Variants in GABBR2 observed in about 807,000 individuals in gnomAD.
GABBR2 encodes the protein gamma-aminobutyric acid type B receptor subunit 2, also known as G-protein coupled receptor 51.
Under a neutral mutation model 105.6 loss-of-function variants are expected in GABBR2, and 23 were observed. That is an observed-to-expected ratio of 0.22 (90% CI 0.16 to 0.31). GABBR2 has a LOEUF of 0.31. Ranked by LOEUF, GABBR2 falls within the 10% of genes least tolerant of loss-of-function variation. The pLI, the probability that GABBR2 is intolerant of heterozygous loss-of-function variation, is 1.00. For missense variants in GABBR2, 734 were observed against 1,245.5 expected, an observed-to-expected ratio of 0.59 and a Z score of 6.18; for synonymous variants, 478 against 499.7, an observed-to-expected ratio of 0.96 and a Z score of 0.58.
chr9:98,542,150 A>G, intron 2 of GABBR2, 107 bp from the exon 3 acceptor site: 1 of 805,876 alleles, frequency 1.2e-6, no homozygotes, highest in Non-Finnish European at 1.9e-6. Context: ...TAGAGCATAA[A>G]CACACAGGGA....
chr9:98,454,091 G>C lies in GABBR2; in HGVS notation c.1126C>G (p.Leu376Val). The change falls in exon 7 of 19, where the codon CTG (leucine) becomes GTG (valine). Residue 376 changes from leucine (L) to valine (V), a missense_variant. Around this residue, in one of 7 missense-constraint regions of GABBR2, gnomAD observed 370 missense variants for 648.9 expected, o/e 0.57. Transcript: ENST00000259455. This position sits in a 1 kb window ranked among gnomAD's most constrained non-coding sequence, Gnocchi z 4.6. The stretch of plus-strand genomic sequence containing the variant: ...CGCTGGTGCCGGCTGCTGGCATGCA[G>C]TGTCTCCATGGCCCTCTGCAGTGTC... The part of the protein sequence containing the change: ...AKTLQRAMET[L>V]HASSRHQRIQ... 1 of 1,614,122 alleles carries C rather than the reference G, an allele frequency of 6.2e-7. No individual in the cohort carries two copies. The highest frequency in any genetic ancestry group is 8.5e-7 in the Non-Finnish European group (1 of 1,179,982).
chr9:98,462,349 G>A (rs907805906), intron 6 of GABBR2, among the ~76,000 whole-genome samples: 1 of 152,068 alleles, frequency 6.6e-6, no homozygotes, highest in African/African-American at 2.4e-5. Context: ...AATACATCGA[G>A]AGTGAAAAGA....
At chr9:98,605,538 G>A (rs1829403223) in intron 1 of GABBR2, among the ~76,000 whole-genome samples, 1 of 152,202 alleles carries the variant, frequency 6.6e-6, no homozygotes. Context: ...TTCCTCAGGG[G>A]CCCACTTCCT....
At chr9:98,551,862 T>C (rs574870366) in intron 2 of GABBR2, among the ~76,000 whole-genome samples, 2 of 152,326 alleles carry the variant, frequency 1.3e-5, no homozygotes, top group East Asian at 3.9e-4. Flanking sequence ...TCTGTTTTTC[T>C]CATCTCTGAA....
chr9:98,376,705 G>T (rs187275709), intron 11 of GABBR2, among the ~76,000 whole-genome samples: 1 of 152,142 alleles, frequency 6.6e-6, no homozygotes, highest in Non-Finnish European at 1.5e-5. Flanking sequence ...AGAAGACCCC[G>T]TCTTGCTCAG....
At chr9:98,408,068 T>C (rs1434023717) in intron 7 of GABBR2, among the ~76,000 whole-genome samples, 1 of 152,146 alleles carries the variant, frequency 6.6e-6, no homozygotes, top group Non-Finnish European at 1.5e-5. Flanking sequence ...GGACAGGTGC[T>C]CAGCAAATGG....
At chr9:98,598,251 G>C (rs1440753818) in intron 1 of GABBR2, among the ~76,000 whole-genome samples, 1 of 152,184 alleles carries the variant, frequency 6.6e-6, no homozygotes. Context: ...ACATCTTGGA[G>C]GAGCAGGCTT....
At chr9:98,607,159 A>T (rs1402961304) in intron 1 of GABBR2, 1 of 1,610,158 alleles carries the variant, frequency 6.2e-7, no homozygotes, top group Non-Finnish European at 8.5e-7. Context: ...TGCTGCTCAC[A>T]ATAGTTGATA....
chr9:98,669,175 C>A (rs1830375947), intron 1 of GABBR2, among the ~76,000 whole-genome samples: 1 of 152,098 alleles, frequency 6.6e-6, no homozygotes, highest in African/African-American at 2.4e-5. Flanking sequence ...CAGAAAGGTC[C>A]ATTTTCTTCA....
intron 7 of GABBR2, among the ~76,000 whole-genome samples, chr9:98,418,727 G>A (rs952374035): frequency 6.6e-6 from 1 of 152,248 alleles, no homozygotes; most frequent in Non-Finnish European, 1.5e-5. Flanking sequence ...CAGACAGATG[G>A]AGGGTGATGC....
At chr9:98,342,503 A>T (rs2131408569) in intron 13 of GABBR2, among the ~76,000 whole-genome samples, 1 of 152,122 alleles carries the variant, frequency 6.6e-6, no homozygotes, top group East Asian at 1.9e-4. Flanking sequence ...AGAACTTCAG[A>T]TGGGGTATGG....
chr9:98,695,035 A>C (rs1830731052), intron 1 of GABBR2, among the ~76,000 whole-genome samples: 1 of 152,264 alleles, frequency 6.6e-6, no homozygotes, highest in South Asian at 2.1e-4. Flanking sequence ...CCAGTGTTCA[A>C]CTGGAACAAT....
chr9:98,525,592 C>T (rs929992735), intron 3 of GABBR2, among the ~76,000 whole-genome samples: 1 of 152,174 alleles, frequency 6.6e-6, no homozygotes, highest in Non-Finnish European at 1.5e-5. Flanking sequence ...TGATGCAAAC[C>T]AGAAAATGGC....
intron 4 of GABBR2, among the ~76,000 whole-genome samples, chr9:98,485,549 T>A (rs1827027831): frequency 6.6e-6 from 1 of 151,900 alleles, no homozygotes; most frequent in African/African-American, 2.4e-5. Flanking sequence ...CGCACGCACA[T>A]GACACTTAGC....
At chr9:98,528,405 T>C (rs1444850525) in intron 3 of GABBR2, among the ~76,000 whole-genome samples, 1 of 152,022 alleles carries the variant, frequency 6.6e-6, no homozygotes, top group Non-Finnish European at 1.5e-5. Flanking sequence ...TACAAAAATT[T>C]TGGAGATGGG....
rs555614517 is a variant in GABBR2, at chr9:98,359,106, C to A, written c.1893+3609G>T. Among the ~76,000 whole-genome samples, 16 of 152,300 alleles carry A rather than the reference C, an allele frequency of 1.1e-4. No homozygotes were observed. In the East Asian group the frequency reaches 2.9e-3, roughly 28 times the overall value. ...GTAAAGCATTTAGAACAGTACCTGG[C>A]ACATGACGAGTGCTACAGAAGTACT... On this transcript the variant is annotated intron_variant, in intron 13 of 18. Transcript: ENST00000259455.
At chr9:98,414,917 T>A (rs1430892722) in intron 7 of GABBR2, among the ~76,000 whole-genome samples, 2 of 152,086 alleles carry the variant, frequency 1.3e-5, no homozygotes, top group Admixed American at 6.5e-5. Context: ...GGAGCTTGGG[T>A]CCACGAATGA....
rs536440458 is a variant in GABBR2, at chr9:98,329,032, A to T, written c.1894-17827T>A. ...ACCTGTCTCATAGGATTGAGGATTA[A>T]ATGGCCCAATATGTATAAAGCCCCT... On this transcript the variant is annotated intron_variant, in intron 13 of 18. Transcript: ENST00000259455. 7.2e-5 allele frequency among the ~76,000 whole-genome samples: 11 copies of T among 152,346 alleles called. No individual in the cohort carries two copies. In the East Asian group the frequency reaches 2.1e-3, roughly 29 times the overall value.
chr9:98,402,769 C>T (rs1165040904), intron 8 of GABBR2, among the ~76,000 whole-genome samples: 2 of 152,160 alleles, frequency 1.3e-5, no homozygotes, highest in African/African-American at 4.8e-5. Flanking sequence ...TCTCATCCAT[C>T]ACTGACACAG....
Sources: gnomAD v4.1 joint callset for allele counts (sites outside exome capture counted in the v4.1 genomes callset) on GRCh38, gnomAD v4.1.1 for gene constraint, gnomAD v4.1.1 regional missense constraint, Gnocchi (gnomAD v3.1) non-coding constraint, MANE v1.5 for transcripts, NCBI Gene and HGNC (gene_info 2026-07-23, HGNC 2026-07-21) for gene names.